The following SEMA3E variants were observed in gnomAD, a reference collection of about 807,000 sequenced individuals.
SEMA3E encodes semaphorin 3E.
In SEMA3E, 49 loss-of-function variants were observed where a neutral mutation model predicts 93.6. That is an observed-to-expected ratio of 0.52 (90% CI 0.42 to 0.66). The LOEUF is 0.66. Among genes scored for constraint, SEMA3E ranks in the 30% least tolerant of loss-of-function variants. SEMA3E has a pLI of 0.00. For missense variants in SEMA3E, 906 were observed against 964.8 expected (o/e 0.94, Z 0.81); for synonymous variants, 363 against 330.7 (o/e 1.10, Z -1.06).
At chr7:83,468,339 C>T (rs977351622) in intron 3 of SEMA3E, among the ~76,000 whole-genome samples, 9 of 152,168 alleles carry the variant, frequency 5.9e-5, no homozygotes, top group African/African-American at 2.2e-4. Flanking sequence ...CCTGCACTTC[C>T]TCTCTTGACA....
intron 1 of SEMA3E, among the ~76,000 whole-genome samples, chr7:83,629,966 G>C (rs1026007020): frequency 1.3e-5 from 2 of 152,170 alleles, no homozygotes; most frequent in Admixed American, 6.6e-5. Flanking sequence ...AAGACTGTGG[G>C]AAAAGCATAG....
intron 1 of SEMA3E, among the ~76,000 whole-genome samples, chr7:83,541,517 C>T (rs749437036): frequency 2.0e-5 from 3 of 152,126 alleles, no homozygotes; most frequent in Non-Finnish European, 4.4e-5. Context: ...CTCTCCTCTG[C>T]TCAAGAAAAG....
rs1481794416 is a variant in SEMA3E at position 83,367,908 on chromosome 7, G to A, written c.2006C>T (p.Thr669Ile). 2 of 1,610,782 alleles carry A rather than the reference G, an allele frequency of 1.2e-6. No individual in the cohort carries two copies. Among genetic ancestry groups the A allele is most frequent in the African/African-American group, 1.3e-5 (1 of 74,848 alleles). ...TTTCTCCTCTTCCACTACCTCCAAG[G>A]TGATTTTACGGACCGTATGGACAAA... ...HSFVHTVRKI[T>I]LEVVEEEKVE... The change falls in exon 17 of 17, where the codon ACC becomes ATC. Residue 669 changes from threonine (T) to isoleucine (I), a missense_variant. Thr to Ile is a moderately conservative substitution (Grantham distance 89). Coordinates refer to ENST00000643230, the MANE Select transcript of SEMA3E (RefSeq NM_012431.3).
At chr7:83,405,802 G>C in intron 8 of SEMA3E, 143 bp downstream of exon 8, 1 of 732,708 alleles carries the variant, frequency 1.4e-6, no homozygotes, top group South Asian at 1.7e-5. Flanking sequence ...TGCGTGCCTG[G>C]CCAAAATGAA....
Position 83,556,482 on chromosome 7 carries a change from G to A in SEMA3E, c.116-66208C>T, listed in dbSNP as rs139106184. On this transcript the variant is annotated intron_variant, in intron 1 of 16. Coordinates refer to ENST00000643230, the MANE Select transcript of SEMA3E (RefSeq NM_012431.3). Reference sequence around the variant, plus strand: ...CATGCTATCATGTATGTTACATTTCGTGAGAAAATTGTGTTTAGAAAAAGA... The same window carrying A: ...CATGCTATCATGTATGTTACATTTCATGAGAAAATTGTGTTTAGAAAAAGA... Among the ~76,000 whole-genome samples, 198 of 152,166 alleles carry A rather than the reference G, an allele frequency of 1.3e-3. 2 individuals are homozygous for A. The highest frequency in any genetic ancestry group is 4.0e-3 in the African/African-American group (166 of 41,536).
intron 1 of SEMA3E, among the ~76,000 whole-genome samples, chr7:83,593,446 C>G (rs1584352463): frequency 6.6e-6 from 1 of 151,744 alleles, no homozygotes; most frequent in Middle Eastern, 3.4e-3. Context: ...ACAATATTAA[C>G]AAAAAATAAT....
chr7:83,557,161 G>T (rs1791913561), intron 1 of SEMA3E, among the ~76,000 whole-genome samples: 1 of 151,960 alleles, frequency 6.6e-6, no homozygotes, highest in Non-Finnish European at 1.5e-5. Flanking sequence ...TTATGTCAAA[G>T]TATTTTATTT....
intron 1 of SEMA3E, among the ~76,000 whole-genome samples, chr7:83,595,575 G>A (rs556271747): frequency 1.3e-5 from 2 of 152,064 alleles, no homozygotes; most frequent in Admixed American, 6.6e-5. Context: ...GCATTTAGTT[G>A]TCATATCTTC....
chr7:83,406,169 T>C (rs1430617383), intron 7 of SEMA3E, 110 bp from the exon 8 acceptor site: 3 of 808,278 alleles, frequency 3.7e-6, no homozygotes, highest in Non-Finnish European at 6.4e-6. Context: ...TTTATTTAAC[T>C]AGGAAAATTT....
At chr7:83,498,763 G>A (rs1790541333) in intron 1 of SEMA3E, among the ~76,000 whole-genome samples, 1 of 152,118 alleles carries the variant, frequency 6.6e-6, no homozygotes, top group Admixed American at 6.6e-5. Context: ...ACAGGTGTGA[G>A]CCACTGTGCC....
intron 1 of SEMA3E, among the ~76,000 whole-genome samples, chr7:83,564,264 C>T (rs1386720757): frequency 6.6e-6 from 1 of 151,972 alleles, no homozygotes; most frequent in African/African-American, 2.4e-5. Flanking sequence ...ATTAAAAACA[C>T]AAAAATTAGC....
intron 1 of SEMA3E, among the ~76,000 whole-genome samples, chr7:83,607,647 A>G (rs940982610): frequency 9.2e-5 from 14 of 152,202 alleles, no homozygotes; most frequent in African/African-American, 3.1e-4. Flanking sequence ...AAGCTAAAGG[A>G]TCAATAGGAG....
At position 83,374,147 on chromosome 7, in the gene SEMA3E, G is replaced by A. The variant is rs538478671; in HGVS notation, c.1876-6109C>T. Reference sequence around the variant, plus strand: ...CTTGAACCCAGGAGGCAGAGGTTGCGATAAGCCGAGATCACGCCATTGCAC... The same window carrying A: ...CTTGAACCCAGGAGGCAGAGGTTGCAATAAGCCGAGATCACGCCATTGCAC... On this transcript the variant is annotated intron_variant, in intron 16 of 16. Coordinates refer to ENST00000643230, the MANE Select transcript of SEMA3E (RefSeq NM_012431.3). 3.2e-4 allele frequency among the ~76,000 whole-genome samples: 44 copies of A among 137,806 alleles called. No individual in the cohort carries two copies. The South Asian group carries it at 8.0e-3, about 25-fold the overall frequency. The allele number at this position is 137,806 out of a possible 152,430, so 90.4% of individuals were successfully genotyped here.
At chr7:83,511,065 A>G (rs1313173792) in intron 1 of SEMA3E, among the ~76,000 whole-genome samples, 2 of 152,168 alleles carry the variant, frequency 1.3e-5, no homozygotes, top group African/African-American at 4.8e-5. Flanking sequence ...GAAATCTACA[A>G]GTTTGATTTT....
chr7:83,455,949 T>C (rs1036201621), intron 4 of SEMA3E, among the ~76,000 whole-genome samples: 1 of 152,218 alleles, frequency 6.6e-6, no homozygotes, highest in Admixed American at 6.5e-5. Flanking sequence ...GATTTCAGCC[T>C]TGGGAGACCT....
At chr7:83,639,136 A>AAAAAAAAAAAAAAAAAAC (rs1562866057) in intron 1 of SEMA3E, among the ~76,000 whole-genome samples, 2 of 132,066 alleles carry the variant, frequency 1.5e-5, no homozygotes, top group African/African-American at 5.6e-5. Context: ...AAAAAAAAAA[A>AAAAAAAAAAAAAAAAAAC]AAAACAGAGA....
At chr7:83,557,144 A>G (rs215264) in intron 1 of SEMA3E, among the ~76,000 whole-genome samples, 63,180 of 151,922 alleles carry the variant, frequency 0.42, 13,960 homozygotes, top group African/African-American at 0.57. Context: ...ATTGAAGATC[A>G]AAAGTCTTAT....
chr7:83,475,740 T>C (rs1789996227), intron 2 of SEMA3E, among the ~76,000 whole-genome samples: 1 of 152,198 alleles, frequency 6.6e-6, no homozygotes, highest in African/African-American at 2.4e-5. Flanking sequence ...CTAACCTGTC[T>C]TGAGAGCAAG....
intron 2 of SEMA3E, among the ~76,000 whole-genome samples, chr7:83,480,218 A>AT (rs1482962855): frequency 6.6e-6 from 1 of 152,296 alleles, no homozygotes; most frequent in Non-Finnish European, 1.5e-5. Context: ...AGGCAGGTAG[A>AT]TTACCTGAGG....
Sources: allele counts gnomAD v4.1 joint callset (sites outside exome capture counted in the v4.1 genomes callset), GRCh38; gene constraint gnomAD v4.1.1; transcripts MANE v1.5; gene names NCBI Gene and HGNC (gene_info 2026-07-23, HGNC 2026-07-21).